CMKLR1: variants seen among roughly 807,000 people sequenced by gnomAD.
CMKLR1 encodes the protein chemerin-like receptor 1.
Under a neutral mutation model 8.2 loss-of-function variants are expected in CMKLR1, and 6 were observed. That is an observed-to-expected ratio of 0.73 (90% CI 0.40 to 1.44). The LOEUF is 1.44. Among genes scored for constraint, CMKLR1 ranks in the 40% most tolerant of loss-of-function variants. The probability of loss-of-function intolerance (pLI) is 0.02; values close to 1 mark genes in which losing one functional copy is unlikely to be tolerated. For missense variants in CMKLR1, 429 were observed against 478.0 expected (o/e 0.90, Z 0.96); for synonymous variants, 178 against 181.2 (o/e 0.98, Z 0.14).
intron 1 of CMKLR1, among the ~76,000 whole-genome samples, chr12:108,332,612 C>T (rs1042649627): frequency 6.6e-6 from 1 of 152,140 alleles, no homozygotes; most frequent in African/African-American, 2.4e-5. Context: ...CATCTTTCTA[C>T]CATGCTGGAT....
At chr12:108,307,712 C>T (rs556728655) in intron 2 of CMKLR1, among the ~76,000 whole-genome samples, 4 of 152,360 alleles carry the variant, frequency 2.6e-5, no homozygotes, top group African/African-American at 4.8e-5. Flanking sequence ...CTCTGCAAAG[C>T]GTGTTTCACT....
intron 2 of CMKLR1, among the ~76,000 whole-genome samples, chr12:108,304,691 C>T (rs946060308): frequency 1.3e-5 from 2 of 152,178 alleles, no homozygotes; most frequent in Admixed American, 6.5e-5. Flanking sequence ...TCTCTCTTCC[C>T]ATGTTTTCTC....
intron 2 of CMKLR1, among the ~76,000 whole-genome samples, chr12:108,324,796 G>C (rs1891944295): frequency 6.6e-6 from 1 of 152,028 alleles, no homozygotes; most frequent in Non-Finnish European, 1.5e-5. Context: ...GGGCTCACTT[G>C]TTCATTTCCT....
Position 108,292,619 on chromosome 12 carries a change from C to T in CMKLR1, c.344G>A (p.Ser115Asn). 3 of 1,614,154 alleles carry T rather than the reference C, an allele frequency of 1.9e-6. No homozygotes were observed. Among genetic ancestry groups the T allele is most frequent in the Non-Finnish European group, 2.5e-6 (3 of 1,180,022 alleles). ...WVFGTAMCKISNFLLIHNMFT... is the reference protein window; with the variant it reads ...WVFGTAMCKINNFLLIHNMFT... ...CATGTTGTGGATGAGAAGGAAGTTG[C>T]TGATCTTGCACATGGCTGTCCCGAA... Residue 115 changes from serine to asparagine, a missense_variant, in exon 4 of 4, where the codon AGC becomes AAC. Ser to Asn is a conservative substitution (Grantham distance 46). Transcript: ENST00000550402.
At chr12:108,334,449 C>A (rs1278886366) in intron 1 of CMKLR1, among the ~76,000 whole-genome samples, 2 of 152,226 alleles carry the variant, frequency 1.3e-5, no homozygotes, top group African/African-American at 4.8e-5. Context: ...TGTCCCTTCT[C>A]TTTTACACAG....
intron 2 of CMKLR1, among the ~76,000 whole-genome samples, chr12:108,312,126 T>C (rs1208184081): frequency 6.6e-6 from 1 of 152,176 alleles, no homozygotes; most frequent in East Asian, 1.9e-4. Context: ...CCTTGTGTCC[T>C]GACAATCCAT....
intron 2 of CMKLR1, among the ~76,000 whole-genome samples, chr12:108,328,745 T>G (rs550147749): frequency 8.4e-4 from 128 of 152,274 alleles, no homozygotes; most frequent in African/African-American, 2.8e-3. Context: ...TACCTCCCCA[T>G]AGCTAGGAGG....
Position 108,291,891 on chromosome 12 carries a change from A to T in CMKLR1, c.1072T>A (p.Ser358Thr). The change falls in exon 4 of 4, where the codon TCA (serine) becomes ACA (threonine). Residue 358 changes from serine to threonine, a missense_variant. Transcript: ENST00000550402. ...TTCATAGAAGTCCTCTCATTCATTGATGACATCTTGGTAAAGCTTCTATGG... is the reference window on the plus strand; with the variant it reads ...TTCATAGAAGTCCTCTCATTCATTGTTGACATCTTGGTAAAGCTTCTATGG... ...PSHRSFTKMS[S>T]MNERTSMNER... is the part of the protein sequence containing the mutation. 1 of 1,614,156 alleles carries T rather than the reference A, an allele frequency of 6.2e-7. No individual in the cohort carries two copies. The highest frequency in any genetic ancestry group is 1.3e-5 in the African/African-American group (1 of 75,042).
chr12:108,332,984 A>T (rs949140658), intron 1 of CMKLR1, among the ~76,000 whole-genome samples: 1 of 152,176 alleles, frequency 6.6e-6, no homozygotes, highest in Non-Finnish European at 1.5e-5. Context: ...CAAAAAATAA[A>T]AAATAAATCA....
intron 2 of CMKLR1, among the ~76,000 whole-genome samples, chr12:108,310,116 T>C (rs2137315530): frequency 6.6e-6 from 1 of 150,700 alleles, no homozygotes; most frequent in Middle Eastern, 3.4e-3. Context: ...CCGAGGGAAA[T>C]GACATACCTG....
At chr12:108,309,593 G>A (rs1454448699) in intron 2 of CMKLR1, among the ~76,000 whole-genome samples, 1 of 151,708 alleles carries the variant, frequency 6.6e-6, no homozygotes, top group African/African-American at 2.4e-5. Flanking sequence ...CTTGCCAAAT[G>A]CTGTGGGAGT....
intron 2 of CMKLR1, among the ~76,000 whole-genome samples, chr12:108,304,601 T>C (rs1030241939): frequency 6.6e-6 from 1 of 152,174 alleles, no homozygotes; most frequent in Non-Finnish European, 1.5e-5. Context: ...GTCTCTGTGT[T>C]TGCCTCTCTT....
intron 2 of CMKLR1, among the ~76,000 whole-genome samples, chr12:108,315,400 G>A (rs891188465): frequency 2.6e-5 from 4 of 152,096 alleles, no homozygotes; most frequent in African/African-American, 7.2e-5. Context: ...TTCTTGTCAT[G>A]TTCCTTTCAT....
chr12:108,296,895 G>C (rs1459262872), intron 2 of CMKLR1, among the ~76,000 whole-genome samples: 5 of 152,102 alleles, frequency 3.3e-5, no homozygotes, highest in African/African-American at 1.2e-4. Context: ...CTCTCAAGTG[G>C]GGGTAAGAAC....
At chr12:108,300,488 T>G (rs1391828702) in intron 2 of CMKLR1, among the ~76,000 whole-genome samples, 1 of 152,158 alleles carries the variant, frequency 6.6e-6, no homozygotes, top group Non-Finnish European at 1.5e-5. Context: ...AATGAATGAA[T>G]GAATGAATGC....
intron 2 of CMKLR1, among the ~76,000 whole-genome samples, chr12:108,304,583 C>A (rs1216982052): frequency 6.6e-6 from 1 of 152,158 alleles, no homozygotes; most frequent in East Asian, 1.9e-4. Context: ...GCCTCTCTCT[C>A]TCCCCCAGTC....
intron 2 of CMKLR1, among the ~76,000 whole-genome samples, chr12:108,297,250 A>G (rs1048725623): frequency 1.3e-5 from 2 of 152,160 alleles, no homozygotes; most frequent in Non-Finnish European, 2.9e-5. Context: ...TAGTAAATAT[A>G]TTCTCTCTTC....
chr12:108,318,345 T>C (rs1891782192), intron 2 of CMKLR1, among the ~76,000 whole-genome samples: 1 of 152,232 alleles, frequency 6.6e-6, no homozygotes, highest in South Asian at 2.1e-4. Context: ...AAGAATATCC[T>C]TCAGAGCCAC....
At chr12:108,336,373 C>G (rs888493703) in intron 1 of CMKLR1, among the ~76,000 whole-genome samples, 2 of 148,680 alleles carry the variant, frequency 1.3e-5, no homozygotes, top group South Asian at 4.3e-4. Context: ...GGTGAAACCC[C>G]GTCTCTACTA....
Sources: gnomAD v4.1 joint callset for allele counts (sites outside exome capture counted in the v4.1 genomes callset) on GRCh38, gnomAD v4.1.1 for gene constraint, MANE v1.5 for transcripts, NCBI Gene and HGNC (gene_info 2026-07-23, HGNC 2026-07-21) for gene names.